The following ROCK1 variants were observed in gnomAD, a reference collection of about 807,000 sequenced individuals.
ROCK1 encodes rho-associated protein kinase 1.
Under a neutral mutation model 196.8 loss-of-function variants are expected in ROCK1, and 36 were observed. That is an observed-to-expected ratio of 0.18 (90% CI 0.14 to 0.24). ROCK1 has a LOEUF of 0.24. ROCK1 is among the 10% of genes least tolerant of loss of function. ROCK1 has a pLI of 1.00. For synonymous variants in ROCK1, 443 were observed against 515.9 expected (o/e 0.86, Z 1.91); for missense variants, 920 against 1,562.0 (o/e 0.59, Z 6.93).
intron 16 of ROCK1, among the ~76,000 whole-genome samples, chr18:21,000,500 C>T (rs935935260): frequency 3.3e-5 from 5 of 152,036 alleles, no homozygotes; most frequent in Non-Finnish European, 7.4e-5. Flanking sequence ...TGAGCTTAAG[C>T]GATCTGCCCA....
chr18:21,017,186 C>CTTTTTTT (rs774542704), intron 12 of ROCK1, among the ~76,000 whole-genome samples: 18 of 99,088 alleles, frequency 1.8e-4, no homozygotes, highest in African/African-American at 3.8e-4. Context: ...TACCACACTT[C>CTTTTTTT]TTTTTTTTTT....
chr18:21,063,349 G>A (rs1237464437), intron 2 of ROCK1, among the ~76,000 whole-genome samples: 1 of 152,030 alleles, frequency 6.6e-6, no homozygotes, highest in Non-Finnish European at 1.5e-5. Context: ...ATGCTCAGAA[G>A]GTCAGATCCA....
chr18:20,981,149 C>T (rs1269115579), intron 21 of ROCK1, among the ~76,000 whole-genome samples: 5 of 151,954 alleles, frequency 3.3e-5, no homozygotes, highest in Non-Finnish European at 5.9e-5. Context: ...AATTCCAGCA[C>T]TTTGGGAGGC....
chr18:21,111,439 C>G lies in ROCK1; in HGVS notation c.-529G>C. ...AGAGGCGCTGTAGACGGTCTAGCCC[C>G]GCGTCCCCGGCTCTACTCGGCCCGG... On this transcript the variant is annotated 5_prime_UTR_variant, in exon 1 of 33. Coordinates refer to ENST00000399799, the MANE Select transcript of ROCK1 (RefSeq NM_005406.3). This position sits in a 1 kb window ranked among gnomAD's most constrained non-coding sequence, Gnocchi z 4.2. 3.3e-6 allele frequency: 1 copy of G among 300,132 alleles called. No homozygotes were observed. Among genetic ancestry groups the G allele is most frequent in the East Asian group, 5.7e-5 (1 of 17,626 alleles). 18.6% of individuals were successfully genotyped at this position (300,132 alleles called of 1,614,324 possible).
intron 29 of ROCK1, among the ~76,000 whole-genome samples, chr18:20,957,403 T>C (rs1186436731): frequency 1.3e-5 from 2 of 152,088 alleles, no homozygotes; most frequent in African/African-American, 2.4e-5. Flanking sequence ...ATTCCATTTA[T>C]ATAAAGTTCT....
At chr18:20,978,811 T>C (rs942367937) in intron 22 of ROCK1, among the ~76,000 whole-genome samples, 2 of 152,226 alleles carry the variant, frequency 1.3e-5, no homozygotes, top group African/African-American at 2.4e-5. Flanking sequence ...TATAGTGGGC[T>C]TCTGAAGTGG....
Position 21,110,992 on chromosome 18 carries a change from G to A in ROCK1, c.-82C>T, listed in dbSNP as rs1568413312. 1 of 1,178,804 alleles carries A rather than the reference G, an allele frequency of 8.5e-7. No individual in the cohort carries two copies. The highest frequency in any genetic ancestry group is 1.3e-6 in the Non-Finnish European group (1 of 795,542). The allele number at this position is 1,178,804 out of a possible 1,614,324, so 73.0% of individuals were successfully genotyped here. The stretch of plus-strand genomic sequence containing the variant: ...AACCAACTTCCTCCGCGGTGGGTTC[G>A]CAGCCGCGGGGCGGAGGAGCCGGAA... On this transcript the variant is annotated 5_prime_UTR_variant, in exon 1 of 33. Transcript: ENST00000399799.
At chr18:21,035,868 T>G (rs148789447) in intron 9 of ROCK1, among the ~76,000 whole-genome samples, 13 of 152,326 alleles carry the variant, frequency 8.5e-5, no homozygotes, top group African/African-American at 2.9e-4. Context: ...CCCTGAGTAG[T>G]AGTCTAATTC....
intron 9 of ROCK1, among the ~76,000 whole-genome samples, chr18:21,033,887 A>G (rs1598536856): frequency 7.3e-6 from 1 of 136,286 alleles, no homozygotes; most frequent in Non-Finnish European, 1.6e-5. Context: ...AAAAAAAATT[A>G]GCCGGGTGTG....
intron 25 of ROCK1, 61 bp downstream of exon 25, chr18:20,968,711 G>T: frequency 1.0e-6 from 1 of 964,924 alleles, no homozygotes; most frequent in Non-Finnish European, 1.7e-6. Flanking sequence ...AGGAAAAAGT[G>T]CATAAAGAGC....
intron 1 of ROCK1, among the ~76,000 whole-genome samples, chr18:21,106,633 C>T (rs1243475824): frequency 6.6e-6 from 1 of 152,092 alleles, no homozygotes; most frequent in Non-Finnish European, 1.5e-5. Flanking sequence ...AAATAGCTCC[C>T]GATAATCCTT....
intron 9 of ROCK1, among the ~76,000 whole-genome samples, chr18:21,036,568 C>A (rs1393082235): frequency 6.6e-6 from 1 of 152,048 alleles, no homozygotes; most frequent in Non-Finnish European, 1.5e-5. Flanking sequence ...CCTCAGCCTC[C>A]CAAGTAGTTG....
intron 2 of ROCK1, among the ~76,000 whole-genome samples, chr18:21,055,242 C>T (rs1469979654): frequency 2.0e-5 from 3 of 152,126 alleles, no homozygotes; most frequent in Non-Finnish European, 4.4e-5. Context: ...AATGACTGAT[C>T]CTATTTTAAA....
At chr18:21,061,210 C>T (rs2143536349) in intron 2 of ROCK1, among the ~76,000 whole-genome samples, 1 of 151,842 alleles carries the variant, frequency 6.6e-6, no homozygotes, top group African/African-American at 2.4e-5. Context: ...TCCCAAGTAG[C>T]TGGAATTATA....
At chr18:20,952,565 G>A (rs2035199745) in intron 32 of ROCK1, among the ~76,000 whole-genome samples, 1 of 152,048 alleles carries the variant, frequency 6.6e-6, no homozygotes, top group Non-Finnish European at 1.5e-5. Flanking sequence ...ATCATTTGAG[G>A]TCAGGAGTTT....
At chr18:21,050,904 GATAA>G (rs1480670280) in intron 2 of ROCK1, among the ~76,000 whole-genome samples, 2 of 152,096 alleles carry the variant, frequency 1.3e-5, no homozygotes, top group East Asian at 3.8e-4. Context: ...CAGCACTGGA[GATAA>G]ATAAACATAA....
chr18:20,999,090 G>T (rs139985740), intron 16 of ROCK1, among the ~76,000 whole-genome samples: 5 of 151,530 alleles, frequency 3.3e-5, no homozygotes, highest in African/African-American at 1.2e-4. Context: ...TATTCACGAG[G>T]AGCACACATG....
At chr18:21,087,447 C>G (rs1257649997) in intron 1 of ROCK1, among the ~76,000 whole-genome samples, 1 of 151,850 alleles carries the variant, frequency 6.6e-6, no homozygotes, top group Non-Finnish European at 1.5e-5. Context: ...TAAAATGCAA[C>G]AATACAGGTA....
chr18:21,108,128 T>G (rs1374116756), intron 1 of ROCK1, among the ~76,000 whole-genome samples: 1 of 151,710 alleles, frequency 6.6e-6, no homozygotes, highest in Admixed American at 6.6e-5. Context: ...GTAACAGCTA[T>G]CAATAAACAG....
Sources: allele counts gnomAD v4.1 joint callset (sites outside exome capture counted in the v4.1 genomes callset), GRCh38; gene constraint gnomAD v4.1.1; non-coding constraint Gnocchi (gnomAD v3.1); transcripts MANE v1.5; gene names NCBI Gene and HGNC (gene_info 2026-07-23, HGNC 2026-07-21).